CATSPERT: variants seen among roughly 807,000 people sequenced by gnomAD.
The protein encoded by CATSPERT is cation channel sperm-associated targeting subunit tau.
chr2:201,517,277 T>C, the CATSPERT span, among the ~76,000 whole-genome samples: 2 of 152,104 alleles, frequency 1.3e-5, no homozygotes, highest in South Asian at 4.1e-4. Context: ...TGAACAGTCA[T>C]TAACAGGCAA....
chr2:201,599,416 T>C, the CATSPERT span, among the ~76,000 whole-genome samples: 1 of 152,190 alleles, frequency 6.6e-6, no homozygotes, highest in Non-Finnish European at 1.5e-5. Context: ...AGAAAAATAT[T>C]ATCTCTCAAT....
chr2:201,508,396 T>G, the CATSPERT span, among the ~76,000 whole-genome samples: 1 of 152,252 alleles, frequency 6.6e-6, no homozygotes, highest in Non-Finnish European at 1.5e-5. Context: ...AGTTCAAACT[T>G]GAAGTAATTA....
At chr2:201,614,706 A>G in the CATSPERT span, among the ~76,000 whole-genome samples, 1 of 152,210 alleles carries the variant, frequency 6.6e-6, no homozygotes, top group Non-Finnish European at 1.5e-5. Flanking sequence ...TTCACACATA[A>G]CAATATTAAC....
At chr2:201,549,072 C>G in the CATSPERT span, among the ~76,000 whole-genome samples, 1 of 152,210 alleles carries the variant, frequency 6.6e-6, no homozygotes, top group South Asian at 2.1e-4. Context: ...GAAGAGTTTT[C>G]TAAGCCAATT....
the CATSPERT span, among the ~76,000 whole-genome samples, chr2:201,540,313 C>A: frequency 5.9e-5 from 9 of 152,172 alleles, no homozygotes; most frequent in Non-Finnish European, 1.0e-4. Flanking sequence ...AGGTTTTTAT[C>A]GTAGATGAAA....
At chr2:201,492,152 G>C in the CATSPERT span, 1 of 1,525,756 alleles carries the variant, frequency 6.6e-7, no homozygotes, top group Non-Finnish European at 8.7e-7. Context: ...GAAACCGTTT[G>C]TAAAGTGGTT....
the CATSPERT span, among the ~76,000 whole-genome samples, chr2:201,526,406 T>C: frequency 6.6e-6 from 1 of 152,100 alleles, no homozygotes; most frequent in East Asian, 1.9e-4. Flanking sequence ...TAGTCCCAGC[T>C]ACTCAGGAGG....
chr2:201,504,430 CAA>C, the CATSPERT span, among the ~76,000 whole-genome samples: 1 of 152,190 alleles, frequency 6.6e-6, no homozygotes, highest in African/African-American at 2.4e-5. Flanking sequence ...ATACCATGCC[CAA>C]ATAGCTCAAG....
chr2:201,579,843 C>A, the CATSPERT span, among the ~76,000 whole-genome samples: 8 of 148,262 alleles, frequency 5.4e-5, no homozygotes, highest in East Asian at 1.6e-3. Flanking sequence ...GGTTACACTT[C>A]TTTCTTTTTC....
At chr2:201,600,128 C>A in the CATSPERT span, among the ~76,000 whole-genome samples, 37 of 152,052 alleles carry the variant, frequency 2.4e-4, 1 homozygote, top group East Asian at 5.2e-3. Context: ...TATAAAGACA[C>A]ATACACACGT....
At chr2:201,530,555 A>G in the CATSPERT span, among the ~76,000 whole-genome samples, 1 of 141,128 alleles carries the variant, frequency 7.1e-6, no homozygotes, top group Non-Finnish European at 1.5e-5. Context: ...TCCCAACAGT[A>G]CCATCAATCA....
chr2:201,575,871 T>C, the CATSPERT span, among the ~76,000 whole-genome samples: 7 of 152,178 alleles, frequency 4.6e-5, no homozygotes, highest in South Asian at 1.2e-3. Flanking sequence ...GTGGAAAAAT[T>C]TGCTTCCACA....
chr2:201,493,552 A>T, the CATSPERT span: 1 of 1,536,942 alleles, frequency 6.5e-7, no homozygotes, highest in South Asian at 1.2e-5. Context: ...AAATGCTTGT[A>T]TTATCTGGCT....
the CATSPERT span, among the ~76,000 whole-genome samples, chr2:201,609,995 T>C: frequency 2.6e-5 from 4 of 152,060 alleles, no homozygotes; most frequent in Non-Finnish European, 5.9e-5. Flanking sequence ...GTCACAGACA[T>C]ACAAAAGATT....
the CATSPERT span, chr2:201,492,750 A>T: frequency 1.3e-6 from 2 of 1,535,360 alleles, no homozygotes; most frequent in Non-Finnish European, 1.7e-6. Context: ...ATTTCCCCTG[A>T]AAACTGTTTG....
the CATSPERT span, among the ~76,000 whole-genome samples, chr2:201,618,116 G>A: frequency 6.6e-6 from 1 of 152,308 alleles, no homozygotes; most frequent in East Asian, 1.9e-4. Context: ...TGGTGGGAGT[G>A]TAAACTAGTT....
the CATSPERT span, chr2:201,487,942 T>G: frequency 6.7e-7 from 1 of 1,493,284 alleles, no homozygotes; most frequent in Non-Finnish European, 9.0e-7. Flanking sequence ...TAAATTAGGT[T>G]TCTTAAAAGT....
chr2:201,577,298 A>G, the CATSPERT span, among the ~76,000 whole-genome samples: 36 of 152,274 alleles, frequency 2.4e-4, no homozygotes, highest in African/African-American at 8.7e-4. Context: ...GCTTTTTCAG[A>G]TAAGTGATAT....
chr2:201,561,830 C>T, the CATSPERT span, among the ~76,000 whole-genome samples: 11 of 151,004 alleles, frequency 7.3e-5, no homozygotes, highest in African/African-American at 2.4e-4. Flanking sequence ...GCCAAGATCA[C>T]GCCACTGCAC....
Sources: allele counts gnomAD v4.1 joint callset (sites outside exome capture counted in the v4.1 genomes callset), GRCh38; gene constraint gnomAD v4.1.1; transcripts MANE v1.5; gene names NCBI Gene and HGNC (gene_info 2026-07-23, HGNC 2026-07-21).